The following DCC variants were observed in gnomAD, a reference collection of about 807,000 sequenced individuals.
DCC encodes DCC netrin 1 receptor.
DCC carries 58 observed loss-of-function variants against 172.5 expected under a neutral mutation model. The ratio of observed to expected loss-of-function variants is 0.34; its 90% confidence interval spans 0.27 to 0.42. The LOEUF (loss-of-function observed/expected upper bound fraction) is 0.42, where lower values mean the gene tolerates loss of function less well. Among genes scored for constraint, DCC ranks in the 10% least tolerant of loss-of-function variants. DCC has a pLI of 1.00. For missense variants in DCC, 1,740 were observed against 1,791.0 expected (o/e 0.97, Z 0.51); for synonymous variants, 709 against 644.5 (o/e 1.10, Z -1.52).
At chr18:52,749,896 T>C (rs1320175672) in intron 1 of DCC, among the ~76,000 whole-genome samples, 1 of 152,226 alleles carries the variant, frequency 6.6e-6, no homozygotes, top group Non-Finnish European at 1.5e-5. Context: ...ATTTCTTCTT[T>C]ATTAATGCTA....
chr18:53,376,382 T>C (rs560769289), intron 15 of DCC, among the ~76,000 whole-genome samples: 1 of 152,030 alleles, frequency 6.6e-6, no homozygotes, highest in Non-Finnish European at 1.5e-5. Flanking sequence ...AAACTGTGTC[T>C]CAAAAATAAA....
intron 12 of DCC, among the ~76,000 whole-genome samples, chr18:53,272,264 C>G (rs1018845439): frequency 1.3e-4 from 20 of 152,042 alleles, no homozygotes; most frequent in African/African-American, 4.8e-4. Context: ...TATGTATTAC[C>G]TAGCCTATTT....
At chr18:52,902,079 A>G (rs2039818443) in intron 2 of DCC, among the ~76,000 whole-genome samples, 1 of 152,164 alleles carries the variant, frequency 6.6e-6, no homozygotes, top group African/African-American at 2.4e-5. Context: ...TTTTCAGAGG[A>G]AGTTCCATAA....
intron 5 of DCC, among the ~76,000 whole-genome samples, chr18:53,029,779 G>C (rs764834618): frequency 2.0e-5 from 3 of 152,122 alleles, no homozygotes; most frequent in Non-Finnish European, 4.4e-5. Context: ...CATGTGGCTT[G>C]GTAAGGCTGT....
At chr18:52,444,754 A>C (rs772733883) in intron 1 of DCC, among the ~76,000 whole-genome samples, 4 of 152,150 alleles carry the variant, frequency 2.6e-5, no homozygotes, top group Non-Finnish European at 5.9e-5. Flanking sequence ...TAATCATCTC[A>C]AAATATCATT....
intron 12 of DCC, among the ~76,000 whole-genome samples, chr18:53,274,201 T>C (rs2056780503): frequency 6.6e-6 from 1 of 152,140 alleles, no homozygotes; most frequent in African/African-American, 2.4e-5. Context: ...TTAAACCCTC[T>C]TTATATTTCA....
At chr18:52,536,817 A>C (rs549760342) in intron 1 of DCC, among the ~76,000 whole-genome samples, 2 of 152,304 alleles carry the variant, frequency 1.3e-5, no homozygotes, top group East Asian at 3.9e-4. Flanking sequence ...AAGAAGCTTA[A>C]TTCCTAAGAA....
chr18:52,972,976 G>C (rs2041054095), intron 5 of DCC, among the ~76,000 whole-genome samples: 1 of 152,172 alleles, frequency 6.6e-6, no homozygotes, highest in Admixed American at 6.5e-5. Context: ...TAATCATCTA[G>C]ACACAGAGAA....
intron 1 of DCC, among the ~76,000 whole-genome samples, chr18:52,347,429 T>C (rs181884966): frequency 3.3e-5 from 5 of 152,322 alleles, no homozygotes; most frequent in Admixed American, 6.5e-5. Context: ...TGTGATTTTA[T>C]AGGGATAATT....
chr18:52,614,197 A>G (rs900126814), intron 1 of DCC, among the ~76,000 whole-genome samples: 3 of 152,142 alleles, frequency 2.0e-5, no homozygotes, highest in Non-Finnish European at 2.9e-5. Context: ...ATTTAATGTT[A>G]AAAATAAAAT....
intron 5 of DCC, among the ~76,000 whole-genome samples, chr18:52,982,127 G>A (rs2041221423): frequency 6.6e-6 from 1 of 152,042 alleles, no homozygotes; most frequent in African/African-American, 2.4e-5. Flanking sequence ...GTTGAGCAGG[G>A]GACCAAAATG....
chr18:53,382,091 C>T (rs62098052), intron 15 of DCC, among the ~76,000 whole-genome samples: 1 of 53,626 alleles, frequency 1.9e-5, no homozygotes, highest in Non-Finnish European at 7.3e-5. Flanking sequence ...CACACACACA[C>T]ACACACACAC....
intron 3 of DCC, among the ~76,000 whole-genome samples, chr18:52,908,220 A>C (rs1363147871): frequency 1.3e-5 from 2 of 152,186 alleles, no homozygotes; most frequent in Admixed American, 6.5e-5. Flanking sequence ...TTCAATTGAA[A>C]GTTTCCAGGT....
chr18:52,808,327 A>G (rs1237538313), intron 2 of DCC, among the ~76,000 whole-genome samples: 1 of 151,704 alleles, frequency 6.6e-6, no homozygotes, highest in African/African-American at 2.4e-5. Context: ...CATCTAAACC[A>G]CTAGGAAGCA....
intron 7 of DCC, among the ~76,000 whole-genome samples, chr18:53,146,084 T>C (rs1387450382): frequency 6.6e-6 from 1 of 151,962 alleles, no homozygotes; most frequent in East Asian, 1.9e-4. Flanking sequence ...ATGCAAAAAT[T>C]AGCTGGGCAT....
intron 1 of DCC, among the ~76,000 whole-genome samples, chr18:52,373,634 G>A (rs949994753): frequency 3.9e-5 from 6 of 152,162 alleles, no homozygotes; most frequent in Non-Finnish European, 8.8e-5. Context: ...GCCATTACAT[G>A]TGAAGGTTAG....
intron 5 of DCC, among the ~76,000 whole-genome samples, chr18:53,000,592 T>C (rs867292844): frequency 2.1e-5 from 3 of 143,876 alleles, no homozygotes; most frequent in African/African-American, 8.1e-5. Flanking sequence ...ATTCTTTTTT[T>C]TTTTTTTTTT....
chr18:53,177,249 G>A (rs1259423802), intron 8 of DCC, among the ~76,000 whole-genome samples: 1 of 151,960 alleles, frequency 6.6e-6, no homozygotes. Flanking sequence ...GTTAGTGGGT[G>A]CAGTGCACCA....
chr18:52,751,732 A>T (rs564625620), intron 1 of DCC, among the ~76,000 whole-genome samples: 1 of 152,294 alleles, frequency 6.6e-6, no homozygotes, highest in East Asian at 1.9e-4. Flanking sequence ...ATCTAATTTT[A>T]TTTGGAAAAT....
Sources: allele counts gnomAD v4.1 joint callset (sites outside exome capture counted in the v4.1 genomes callset), GRCh38; gene constraint gnomAD v4.1.1; transcripts MANE v1.5; gene names NCBI Gene and HGNC (gene_info 2026-07-23, HGNC 2026-07-21).